The following ZYG11B variants were observed in gnomAD, a reference collection of about 807,000 sequenced individuals.
ZYG11B encodes protein zyg-11 homolog B.
In ZYG11B, 36 loss-of-function variants were observed where a neutral mutation model predicts 82.4. The observed-to-expected ratio is 0.44, with a 90% CI of 0.33 to 0.58. The LOEUF is 0.58. Ranked by LOEUF, ZYG11B falls within the 20% of genes least tolerant of loss-of-function variation. The pLI is 0.02. For synonymous variants in ZYG11B, 303 were observed against 312.8 expected, an observed-to-expected ratio of 0.97 and a Z score of 0.33; for missense variants, 552 against 895.6, an observed-to-expected ratio of 0.62 and a Z score of 4.90.
At position 52,783,262 on chromosome 1, in the gene ZYG11B, G is replaced by A. The variant is rs1270651100; in HGVS notation, c.1093-1615G>A. 3.9e-5 allele frequency among the ~76,000 whole-genome samples: 6 copies of A among 151,988 alleles called. No individual in the cohort carries two copies. The South Asian group carries it at 1.0e-3, about 26-fold the overall frequency. On this transcript the variant is annotated intron_variant, in intron 4 of 13. Transcript: ENST00000294353. ...TTATAGGGAATTTTGCTGCAAAGGG[G>A]AGCAAAGAAAAAAGATGGTAATCGT... is the stretch of plus-strand genomic sequence containing the variant.
In ZYG11B at chr1:52,790,038, C is replaced by T. The variant is rs1334692625; in HGVS notation, c.1305C>T (p.Asp435=). ...ATTGCCTCCTTTCACTTTGCAGTGA[C>T]CGGATCCTTCAAGATGTTCCATTTA... The part of the protein sequence containing the change: ...QKNCLLSLCS[D]RILQDVPFNR... The change falls in exon 6 of 14, where the codon GAC becomes GAT. Residue 435 remains aspartate (D), a synonymous_variant. Transcript: ENST00000294353. 7 of 1,595,628 alleles carry T rather than the reference C, an allele frequency of 4.4e-6. No individual in the cohort carries two copies. Among genetic ancestry groups the T allele is most frequent in the Non-Finnish European group, 5.1e-6 (6 of 1,169,536 alleles).
intron 2 of ZYG11B, among the ~76,000 whole-genome samples, chr1:52,758,241 G>A (rs1245244728): frequency 6.7e-6 from 1 of 150,360 alleles, no homozygotes. Flanking sequence ...TATCTTTACA[G>A]TTGATAAACT....
rs1251762299 is a variant in ZYG11B at position 52,784,935 on chromosome 1, G to A, written c.1151G>A (p.Ser384Asn). 3 of 1,614,004 alleles carry A rather than the reference G, an allele frequency of 1.9e-6. No individual in the cohort carries two copies. The highest frequency in any genetic ancestry group is 2.5e-6 in the Non-Finnish European group (3 of 1,180,024). The change falls in exon 5 of 14, where the codon AGC (serine) becomes AAC (asparagine). Residue 384 changes from serine to asparagine, a missense_variant. By Grantham distance (46) the Ser-to-Asn change is conservative. Transcript: ENST00000294353. Reference sequence around the variant, plus strand: ...AATTTGCCAGTGCAACTGGCTGCAAGCGCCTGTGTATTTAACTTAACCAAG... The same window carrying A: ...AATTTGCCAGTGCAACTGGCTGCAAACGCCTGTGTATTTAACTTAACCAAG... ...PMNLPVQLAA[S>N]ACVFNLTKQD... is the part of the protein sequence containing the mutation.
chr1:52,784,836 A>G (rs1204377238), intron 4 of ZYG11B, 41 bp from the exon 5 acceptor site: 7 of 1,589,540 alleles, frequency 4.4e-6, no homozygotes, highest in Non-Finnish European at 6.0e-6. Flanking sequence ...GAGGGCTTGT[A>G]TTTATAAGGT....
intron 1 of ZYG11B, among the ~76,000 whole-genome samples, chr1:52,747,537 C>T (rs772307783): frequency 2.6e-5 from 4 of 152,118 alleles, no homozygotes; most frequent in Non-Finnish European, 4.4e-5. Context: ...GTATGTGACA[C>T]TGGGAAAGTT....
At chr1:52,739,398 T>A (rs1644405320) in intron 1 of ZYG11B, among the ~76,000 whole-genome samples, 1 of 152,262 alleles carries the variant, frequency 6.6e-6, no homozygotes, top group Admixed American at 6.5e-5. Flanking sequence ...TTCCATCTCT[T>A]AAAGAAAAGG....
chr1:52,746,032 C>T (rs1464096849), intron 1 of ZYG11B, among the ~76,000 whole-genome samples: 1 of 151,786 alleles, frequency 6.6e-6, no homozygotes, highest in Non-Finnish European at 1.5e-5. Flanking sequence ...TCGATCTCGG[C>T]TCACTGCAAC....
chr1:52,756,596 C>A lies in ZYG11B; in HGVS notation c.169C>A (p.Arg57=). The change falls in exon 2 of 14, where the codon CGA becomes AGA. Residue 57 remains arginine, a synonymous_variant. Coordinates refer to ENST00000294353, the MANE Select transcript of ZYG11B (RefSeq NM_024646.3). The part of the protein sequence containing the change: ...PGVFPQEVAD[R]LLRTMAFHGL... ...AGTATTCCCACAGGAGGTGGCTGAT[C>A]GACTGCTTCGGACCATGGCTTTTCA... 6.2e-7 allele frequency: 1 copy of A among 1,613,652 alleles called. No individual in the cohort carries two copies. Among genetic ancestry groups the A allele is most frequent in the Non-Finnish European group, 8.5e-7 (1 of 1,179,838 alleles).
chr1:52,779,988 T>G lies in ZYG11B; in HGVS notation c.1087T>G (p.Leu363Val). 6.2e-7 allele frequency: 1 copy of G among 1,613,290 alleles called. No individual in the cohort carries two copies. The highest frequency in any genetic ancestry group is 8.5e-7 in the Non-Finnish European group (1 of 1,179,810). ...GATGGAAAAAACAAAGCCAGAAATT[T>G]TAAAGGTAAGAATAAGAAACTGGAT... is the stretch of plus-strand genomic sequence containing the variant. ...HVMEKTKPEI[L>V]KLVVTGMRNH... is the part of the protein sequence containing the mutation. The change falls in exon 4 of 14, where the codon TTA (leucine) becomes GTA (valine). Residue 363 changes from leucine to valine, a missense_variant. Physicochemically the swap from Leu to Val is conservative, Grantham distance 32 (BLOSUM62 1). This residue lies in a region of ZYG11B where 359 missense variants were observed against 555.8 expected (regional missense o/e 0.65). Coordinates refer to ENST00000294353, the MANE Select transcript of ZYG11B (RefSeq NM_024646.3).
chr1:52,786,726 A>G (rs140292061), intron 5 of ZYG11B, among the ~76,000 whole-genome samples: 1 of 152,298 alleles, frequency 6.6e-6, no homozygotes, highest in East Asian at 1.9e-4. Flanking sequence ...GGCTGCCATG[A>G]ACTGTGATCA....
rs1479906052 is a variant in ZYG11B, at chr1:52,776,482, C to T, written c.952-3371C>T. On this transcript the variant is annotated intron_variant, in intron 3 of 13. Coordinates refer to ENST00000294353, the MANE Select transcript of ZYG11B (RefSeq NM_024646.3). ...CTGGGAGGTGGAGGTTGCAGTGAGCCAAGATTGTGCCACTGCACTCCAGAC... is the reference window on the plus strand; with the variant it reads ...CTGGGAGGTGGAGGTTGCAGTGAGCTAAGATTGTGCCACTGCACTCCAGAC... Among the ~76,000 whole-genome samples the T allele has an allele frequency of 2.8e-5, 4 of 143,652 alleles. No individual in the cohort carries two copies. The East Asian group carries it at 8.2e-4, about 29-fold the overall frequency. The allele number at this position is 143,652 out of a possible 152,430, so 94.2% of individuals were successfully genotyped here. A position where few individuals can be genotyped will look rare whatever the true frequency, so the allele number is the denominator to read the frequency against.
intron 10 of ZYG11B, among the ~76,000 whole-genome samples, chr1:52,807,964 A>G (rs1437242415): frequency 6.6e-6 from 1 of 152,206 alleles, no homozygotes; most frequent in African/African-American, 2.4e-5. Context: ...AAAGATACTG[A>G]TTAGCTTTTT....
At chr1:52,805,912 A>G (rs887967982) in intron 10 of ZYG11B, among the ~76,000 whole-genome samples, 14 of 152,242 alleles carry the variant, frequency 9.2e-5, no homozygotes, top group Non-Finnish European at 1.9e-4. Flanking sequence ...AAAGGAATAC[A>G]TGTTGTTATA....
At position 52,771,102 on chromosome 1, in the gene ZYG11B, C is replaced by T. The variant is rs1644746803; in HGVS notation, c.279C>T (p.Ile93=). ...GAGCCTGCATTCGCAAAGCAAAGAT[C>T]TCTGCTGTTGCTTTCCGGAAAGCTT... ...LKRACIRKAK[I]SAVAFRKAFC... is the part of the protein sequence containing the mutation. The change falls in exon 3 of 14, where the codon ATC becomes ATT. Residue 93 remains isoleucine (I), a synonymous_variant. Transcript: ENST00000294353. The surrounding 1 kb of genome is among the most constrained non-coding windows in gnomAD (Gnocchi z 5.4). 6 of 1,614,206 alleles carry T rather than the reference C, an allele frequency of 3.7e-6. No homozygotes were observed. Among genetic ancestry groups the T allele is most frequent in the Middle Eastern group, 1.6e-4 (1 of 6,062 alleles).
intron 8 of ZYG11B, 111 bp from the exon 9 acceptor site, chr1:52,801,708 G>A: frequency 5.9e-6 from 5 of 848,084 alleles, no homozygotes; most frequent in Non-Finnish European, 8.8e-6. Flanking sequence ...ACCTTTACAG[G>A]AAATGCTTTA....
intron 1 of ZYG11B, among the ~76,000 whole-genome samples, chr1:52,728,149 A>T (rs1644300561): frequency 6.6e-6 from 1 of 152,196 alleles, no homozygotes; most frequent in Non-Finnish European, 1.5e-5. Flanking sequence ...CCAAGTGCCC[A>T]GGCCAGCTAG....
At chr1:52,797,843 T>C (rs1488513973) in intron 8 of ZYG11B, among the ~76,000 whole-genome samples, 11 of 151,586 alleles carry the variant, frequency 7.3e-5, no homozygotes. Context: ...TTTTTGTGGC[T>C]AGGCATGCGG....
chr1:52,736,477 G>T (rs1644379495), intron 1 of ZYG11B, among the ~76,000 whole-genome samples: 1 of 151,064 alleles, frequency 6.6e-6, no homozygotes, highest in Non-Finnish European at 1.5e-5. Flanking sequence ...TTTTGAGATG[G>T]ATTCTTGCTC....
chr1:52,766,180 G>A (rs1371286590), intron 2 of ZYG11B, among the ~76,000 whole-genome samples: 1 of 148,866 alleles, frequency 6.7e-6, no homozygotes, highest in Non-Finnish European at 1.5e-5. Flanking sequence ...GAGTGCAGTG[G>A]TGCGATCTTG....
Sources: gnomAD v4.1 joint callset for allele counts (sites outside exome capture counted in the v4.1 genomes callset) on GRCh38, gnomAD v4.1.1 for gene constraint, gnomAD v4.1.1 regional missense constraint, Gnocchi (gnomAD v3.1) non-coding constraint, MANE v1.5 for transcripts, NCBI Gene and HGNC (gene_info 2026-07-23, HGNC 2026-07-21) for gene names.